Variants in FHL2 observed in about 807,000 individuals in gnomAD.
The protein encoded by FHL2 is four and a half LIM domains protein 2.
Under a neutral mutation model 32.7 loss-of-function variants are expected in FHL2, and 20 were observed. The observed-to-expected ratio is 0.61, with a 90% CI of 0.43 to 0.89. FHL2 has a LOEUF of 0.89. Ranked by LOEUF, FHL2 falls within the 40% of genes least tolerant of loss-of-function variation. FHL2 has a pLI of 0.00. For synonymous variants in FHL2, 123 were observed against 128.1 expected (o/e 0.96, Z 0.27); for missense variants, 311 against 358.6 (o/e 0.87, Z 1.07).
chr2:105,409,079 C>G (rs978290563), intron 1 of FHL2, among the ~76,000 whole-genome samples: 1 of 152,116 alleles, frequency 6.6e-6, no homozygotes, highest in African/African-American at 2.4e-5. Flanking sequence ...AAGGAGAAAG[C>G]CTTCATGCTT....
At chr2:105,405,665 C>G (rs1030641120) in intron 1 of FHL2, among the ~76,000 whole-genome samples, 1 of 152,254 alleles carries the variant, frequency 6.6e-6, no homozygotes, top group South Asian at 2.1e-4. Context: ...ATCCCAAGTT[C>G]TCTCTTCACT....
At chr2:105,434,264 C>T (rs550402235) in intron 1 of FHL2, among the ~76,000 whole-genome samples, 4 of 152,316 alleles carry the variant, frequency 2.6e-5, no homozygotes, top group Admixed American at 6.5e-5. Context: ...CCAACTGGAT[C>T]GGAAAGTACT....
Position 105,398,422 on chromosome 2 carries a change from C to T in FHL2, c.-76+420G>A, listed in dbSNP as rs542226426. 5.0e-4 allele frequency among the ~76,000 whole-genome samples: 76 copies of T among 152,306 alleles called. 1 individual carries two copies. The highest frequency in any genetic ancestry group is 1.6e-3 in the Admixed American group (25 of 15,308). ...TTATTTCTACTAAAGGGAAATGGCC[C>T]GGACTCCCCCGCGCAGACCACCGTG... On this transcript the variant is annotated intron_variant, in intron 1 of 6. Coordinates refer to ENST00000530340, the MANE Select transcript of FHL2 (RefSeq NM_001318895.3).
intron 2 of FHL2, among the ~76,000 whole-genome samples, chr2:105,390,751 T>C (rs1033116430): frequency 2.6e-5 from 4 of 152,190 alleles, no homozygotes; most frequent in African/African-American, 9.6e-5. Flanking sequence ...TACAACATGT[T>C]TAAAAGTATA....
chr2:105,401,348 C>CTA (rs889526647), upstream of FHL2, among the ~76,000 whole-genome samples: 8 of 152,034 alleles, frequency 5.3e-5, no homozygotes, highest in Admixed American at 3.3e-4. Flanking sequence ...TGGATAGGGC[C>CTA]TATATATATA....
At position 105,398,870 on chromosome 2, in the gene FHL2, CT is replaced by C; in HGVS notation, c.-105del. 2 of 1,490,640 alleles carry C rather than the reference CT, an allele frequency of 1.3e-6. No individual in the cohort carries two copies. The highest frequency in any genetic ancestry group is 2.7e-5 in the East Asian group (1 of 37,124). 92.3% of individuals were successfully genotyped at this position (1,490,640 alleles called of 1,614,324 possible). A position where few individuals can be genotyped will look rare whatever the true frequency, so the allele number is the denominator to read the frequency against. Reference sequence around the variant, plus strand: ...TCTCCCCAACTCCGGCTCTGCTCCCCTCTCCTTGGGTCTCGCACCGGATTCG... The same window carrying C: ...TCTCCCCAACTCCGGCTCTGCTCCCCCTCCTTGGGTCTCGCACCGGATTCG... On this transcript the variant is annotated 5_prime_UTR_variant, in exon 1 of 7. Coordinates refer to ENST00000530340, the MANE Select transcript of FHL2 (RefSeq NM_001318895.3).
intron 3 of FHL2, among the ~76,000 whole-genome samples, chr2:105,385,584 C>G (rs888763720): frequency 6.6e-6 from 1 of 152,208 alleles, no homozygotes; most frequent in African/African-American, 2.4e-5. Context: ...TCACGGCACT[C>G]AGGATGACAG....
intron 2 of FHL2, among the ~76,000 whole-genome samples, chr2:105,389,502 G>A (rs539400101): frequency 6.6e-6 from 1 of 152,286 alleles, no homozygotes; most frequent in South Asian, 2.1e-4. Flanking sequence ...TAATAATTTG[G>A]GAATTTGAAA....
chr2:105,397,916 A>G, intron 1 of FHL2, among the ~76,000 whole-genome samples: 1 of 149,844 alleles, frequency 6.7e-6, no homozygotes, highest in East Asian at 1.9e-4. Context: ...CATCTTCAGG[A>G]TAGTGCAAAA....
chr2:105,364,701 C>T (rs1680510008), intron 5 of FHL2, among the ~76,000 whole-genome samples: 1 of 152,060 alleles, frequency 6.6e-6, no homozygotes, highest in Non-Finnish European at 1.5e-5. Context: ...CACTTTTTTG[C>T]TTTTTATTTT....
Position 105,405,119 on chromosome 2 carries a change from A to C in FHL2, c.-24-18579T>G, listed in dbSNP as rs914262183. Among the ~76,000 whole-genome samples the C allele has an allele frequency of 1.3e-5, 2 of 152,128 alleles. 1 individual carries two copies. The highest frequency in any genetic ancestry group is 4.1e-4 in the South Asian group (2 of 4,826). ...CAGATGAAAAGTATTTGTAAGGTAG[A>C]CTCTGAAAAACTTTGCTTCTTATTT... On this transcript the variant is annotated intron_variant, in intron 1 of 5. Transcript: ENST00000393352.
chr2:105,364,732 C>T (rs556357884), intron 5 of FHL2, among the ~76,000 whole-genome samples: 82 of 152,282 alleles, frequency 5.4e-4, no homozygotes, highest in Non-Finnish European at 1.1e-3. Flanking sequence ...CAGTATCATG[C>T]AGTAACTCCT....
intron 4 of FHL2, 95 bp downstream of exon 4, chr2:105,373,464 T>C: frequency 7.3e-7 from 1 of 1,373,598 alleles, no homozygotes; most frequent in Non-Finnish European, 1.0e-6. Flanking sequence ...AACACGAGTG[T>C]CTGGAACCAA....
chr2:105,365,408 A>G (rs1231625047), intron 5 of FHL2, among the ~76,000 whole-genome samples: 1 of 152,240 alleles, frequency 6.6e-6, no homozygotes, highest in Non-Finnish European at 1.5e-5. Flanking sequence ...TGCACACAAA[A>G]AGCATGCATC....
At chr2:105,370,362 G>A (rs998832490) in intron 4 of FHL2, among the ~76,000 whole-genome samples, 10 of 150,918 alleles carry the variant, frequency 6.6e-5, no homozygotes, top group Non-Finnish European at 5.9e-5. Flanking sequence ...GCGAAAGAGC[G>A]AGATCCTGGC....
chr2:105,404,090 G>T (rs920115605), upstream of FHL2, among the ~76,000 whole-genome samples: 1 of 152,192 alleles, frequency 6.6e-6, no homozygotes. Flanking sequence ...AGGGGGATTA[G>T]GATGAGCTCA....
intron 2 of FHL2, among the ~76,000 whole-genome samples, chr2:105,392,044 C>A (rs1181350573): frequency 6.6e-6 from 1 of 152,162 alleles, no homozygotes; most frequent in East Asian, 1.9e-4. Flanking sequence ...AAAGCTGGAT[C>A]TTAGGGTACA....
intron 3 of FHL2, chr2:105,376,628 G>A (rs1681493381): frequency 1.3e-5 from 2 of 152,152 alleles, no homozygotes; most frequent in Non-Finnish European, 2.9e-5. Context: ...ATTAAAAGTA[G>A]AATTACCATA....
chr2:105,377,771 C>T (rs1328126709), intron 3 of FHL2: 1 of 275,976 alleles, frequency 3.6e-6, no homozygotes, highest in Non-Finnish European at 7.2e-6. Flanking sequence ...AGAATGTTTT[C>T]CATGACCCAA....
Sources: allele counts gnomAD v4.1 joint callset (sites outside exome capture counted in the v4.1 genomes callset), GRCh38; gene constraint gnomAD v4.1.1; transcripts MANE v1.5; gene names NCBI Gene and HGNC (gene_info 2026-07-23, HGNC 2026-07-21).